DEUP1: variants seen among roughly 807,000 people sequenced by gnomAD.
DEUP1 encodes deuterosome assembly protein 1.
DEUP1 carries 82 observed loss-of-function variants against 87.4 expected under a neutral mutation model. That is an observed-to-expected ratio of 0.94 (90% CI 0.78 to 1.13). DEUP1 has a LOEUF of 1.13. DEUP1 is among the 50% of genes most tolerant of loss of function. The pLI is 0.00. For synonymous variants in DEUP1, 214 were observed against 222.7 expected (o/e 0.96, Z 0.35); for missense variants, 663 against 681.5 (o/e 0.97, Z 0.30).
chr11:93,437,058 C>T (rs1948267891), intron 13 of DEUP1, among the ~76,000 whole-genome samples: 1 of 152,174 alleles, frequency 6.6e-6, no homozygotes, highest in African/African-American at 2.4e-5. Flanking sequence ...GAGCCACCTC[C>T]ACCCCAAGAC....
rs113508472 is a variant in DEUP1, at chr11:93,350,715, C to T, written c.30-4656C>T. 1.3e-3 allele frequency among the ~76,000 whole-genome samples: 190 copies of T among 151,658 alleles called. 1 individual carries two copies. Among genetic ancestry groups the T allele is most frequent in the African/African-American group, 4.3e-3 (178 of 41,302 alleles). ...CTGTAACCCCAGCACTTTGGGAGGCCGAAGCGGGAGGATCACCTGAGGTCA... is the reference window on the plus strand; with the variant it reads ...CTGTAACCCCAGCACTTTGGGAGGCTGAAGCGGGAGGATCACCTGAGGTCA... On this transcript the variant is annotated intron_variant, in intron 2 of 13. Coordinates refer to ENST00000298050, the MANE Select transcript of DEUP1 (RefSeq NM_181645.4).
chr11:93,414,532 A>G (rs1276839190), intron 12 of DEUP1, among the ~76,000 whole-genome samples: 3 of 151,964 alleles, frequency 2.0e-5, no homozygotes, highest in African/African-American at 7.3e-5. Context: ...ATAAATAAAT[A>G]AAATAAAAGA....
At chr11:93,337,150 G>C (rs1262199030) in intron 2 of DEUP1, among the ~76,000 whole-genome samples, 4 of 152,274 alleles carry the variant, frequency 2.6e-5, no homozygotes, top group Admixed American at 2.6e-4. Context: ...CAAGGTAGAT[G>C]AATATTAAAT....
At chr11:93,374,698 T>C (rs958119485) in intron 7 of DEUP1, among the ~76,000 whole-genome samples, 1 of 151,978 alleles carries the variant, frequency 6.6e-6, no homozygotes, top group South Asian at 2.1e-4. Context: ...TAGTATAGGG[T>C]ATTTGGTAAT....
At chr11:93,410,999 T>C (rs1947420819) in intron 12 of DEUP1, 1 of 152,236 alleles carries the variant, frequency 6.6e-6, no homozygotes, top group Non-Finnish European at 1.5e-5. Flanking sequence ...TGTTTTCCAG[T>C]GACCTGTTTT....
intron 2 of DEUP1, among the ~76,000 whole-genome samples, chr11:93,338,542 A>C (rs1190114629): frequency 6.6e-6 from 1 of 151,422 alleles, no homozygotes; most frequent in Non-Finnish European, 1.5e-5. Flanking sequence ...AGTAGCTGGG[A>C]GGTACACACC....
At chr11:93,418,681 G>A (rs969542568) in intron 13 of DEUP1, among the ~76,000 whole-genome samples, 8 of 151,828 alleles carry the variant, frequency 5.3e-5, no homozygotes, top group Non-Finnish European at 1.2e-4. Context: ...CCCATTCCTG[G>A]GTATATACCC....
intron 2 of DEUP1, among the ~76,000 whole-genome samples, chr11:93,332,813 C>T (rs1439632161): frequency 6.6e-6 from 1 of 152,212 alleles, no homozygotes; most frequent in African/African-American, 2.4e-5. Flanking sequence ...TTCCTGTTTA[C>T]AAATATCTGT....
chr11:93,379,715 A>G (rs1163512961), intron 7 of DEUP1, among the ~76,000 whole-genome samples: 1 of 151,756 alleles, frequency 6.6e-6, no homozygotes. Flanking sequence ...ACTTCTTCCT[A>G]CTCCGCAAAG....
chr11:93,437,587 T>C lies in DEUP1; in HGVS notation c.1683T>C (p.His561=). ...TCCCAGCATCTTTGGCTGCACAGCATTTCCTTCTGGAAGAAGAGAAACGAG... is the reference window on the plus strand; with the variant it reads ...TCCCAGCATCTTTGGCTGCACAGCACTTCCTTCTGGAAGAAGAGAAACGAG... ...MSFPASLAAQ[H]FLLEEEKRAK... The change falls in exon 14 of 14, where the codon CAT becomes CAC. Residue 561 remains histidine, a synonymous_variant. Transcript: ENST00000298050. 6.2e-7 allele frequency: 1 copy of C among 1,613,786 alleles called. No homozygotes were observed. Among genetic ancestry groups the C allele is most frequent in the South Asian group, 1.1e-5 (1 of 91,068 alleles).
intron 2 of DEUP1, among the ~76,000 whole-genome samples, chr11:93,338,404 C>CTT (rs532505177): frequency 1.4e-4 from 20 of 139,558 alleles, no homozygotes; most frequent in Admixed American, 2.2e-4. Flanking sequence ...ATGCAGTCAA[C>CTT]TTTTTTTTTT....
At chr11:93,356,082 A>G (rs1020190047) in intron 3 of DEUP1, among the ~76,000 whole-genome samples, 3 of 152,206 alleles carry the variant, frequency 2.0e-5, no homozygotes, top group African/African-American at 7.2e-5. Context: ...AGAAGAATAT[A>G]TGAGTGCTCT....
chr11:93,385,635 A>C (rs1946507809), intron 8 of DEUP1, 92 bp downstream of exon 8: 4 of 1,011,370 alleles, frequency 4.0e-6, no homozygotes. Context: ...TGAGAATATA[A>C]AGTCTATTTT....
chr11:93,355,943 A>T lies in DEUP1; in HGVS notation c.201+401A>T, dbSNP rs144460086. Among the ~76,000 whole-genome samples the T allele has an allele frequency of 6.6e-3, 1,010 of 152,324 alleles. 11 individuals carry two copies. The highest frequency in any genetic ancestry group is 0.015 in the South Asian group (71 of 4,832). ...ATATGCTGGAAAAAATAGAAGTAAGATGTCAAGAATTGATAATAGGACAAA... is the reference window on the plus strand; with the variant it reads ...ATATGCTGGAAAAAATAGAAGTAAGTTGTCAAGAATTGATAATAGGACAAA... On this transcript the variant is annotated intron_variant, in intron 3 of 13. Coordinates refer to ENST00000298050, the MANE Select transcript of DEUP1 (RefSeq NM_181645.4).
In DEUP1 at chr11:93,370,162, A is replaced by G. The variant is rs1244375874; in HGVS notation, c.522A>G (p.Leu174=). 3 of 1,577,596 alleles carry G rather than the reference A, an allele frequency of 1.9e-6. No homozygotes were observed. Among genetic ancestry groups the G allele is most frequent in the Non-Finnish European group, 2.6e-6 (3 of 1,150,200 alleles). Residue 174 remains leucine, a synonymous_variant, in exon 6 of 14, where the codon TTA becomes TTG. Coordinates refer to ENST00000298050, the MANE Select transcript of DEUP1 (RefSeq NM_181645.4). ...LISLDAQQKL[L]SEKCNQFQKQ... Reference sequence around the variant, plus strand: ...CTTTAGATGCTCAACAAAAATTATTATCTGAGAAGTGTAATCAGTTTCAGG... The same window carrying G: ...CTTTAGATGCTCAACAAAAATTATTGTCTGAGAAGTGTAATCAGTTTCAGG...
intron 2 of DEUP1, among the ~76,000 whole-genome samples, chr11:93,348,850 A>C (rs1944486586): frequency 6.6e-6 from 1 of 152,194 alleles, no homozygotes; most frequent in Admixed American, 6.6e-5. Context: ...CTAACAAGTC[A>C]TATGATCATT....
At chr11:93,428,292 G>C (rs180697617) in intron 13 of DEUP1, among the ~76,000 whole-genome samples, 27 of 152,226 alleles carry the variant, frequency 1.8e-4, no homozygotes, top group Admixed American at 9.2e-4. Flanking sequence ...CATGTCCTCT[G>C]TAGGGACATG....
At chr11:93,362,575 C>T (rs948250063) in intron 4 of DEUP1, among the ~76,000 whole-genome samples, 1 of 151,724 alleles carries the variant, frequency 6.6e-6, no homozygotes, top group African/African-American at 2.4e-5. Flanking sequence ...GATATGGAGA[C>T]ATTGTAACCC....
intron 13 of DEUP1, among the ~76,000 whole-genome samples, chr11:93,419,624 T>C (rs959822213): frequency 6.6e-6 from 1 of 152,104 alleles, no homozygotes; most frequent in Non-Finnish European, 1.5e-5. Flanking sequence ...TTTCCAGAGA[T>C]GAAATCGATC....
Sources: allele counts gnomAD v4.1 joint callset (sites outside exome capture counted in the v4.1 genomes callset), GRCh38; gene constraint gnomAD v4.1.1; transcripts MANE v1.5; gene names NCBI Gene and HGNC (gene_info 2026-07-23, HGNC 2026-07-21).